Variants in SDK1 observed in about 807,000 individuals in gnomAD.
SDK1 encodes sidekick cell adhesion molecule 1.
Under a neutral mutation model 245.5 loss-of-function variants are expected in SDK1, and 157 were observed. The observed-to-expected ratio is 0.64, with a 90% CI of 0.56 to 0.73. The LOEUF (loss-of-function observed/expected upper bound fraction) is 0.73. Among genes scored for constraint, SDK1 ranks in the 30% least tolerant of loss-of-function variants. The pLI is 0.00. For synonymous variants in SDK1, 1,647 were observed against 1,278.5 expected (o/e 1.29, Z -6.15); for missense variants, 3,583 against 3,002.3 (o/e 1.19, Z -4.52).
intron 1 of SDK1, among the ~76,000 whole-genome samples, chr7:3,343,876 A>G (rs1263670776): frequency 6.6e-6 from 1 of 152,184 alleles, no homozygotes; most frequent in Non-Finnish European, 1.5e-5. Context: ...ACAGAATGGC[A>G]GTGTTGATAT....
intron 17 of SDK1, among the ~76,000 whole-genome samples, chr7:4,032,418 G>A (rs1787886390): frequency 6.6e-6 from 1 of 152,180 alleles, no homozygotes; most frequent in Admixed American, 6.5e-5. Context: ...AACCCTACAG[G>A]CATTCCTGCT....
chr7:3,529,333 G>T (rs558523369), intron 1 of SDK1, among the ~76,000 whole-genome samples: 1 of 152,134 alleles, frequency 6.6e-6, no homozygotes, highest in Non-Finnish European at 1.5e-5. Context: ...GGGAACCAAG[G>T]CTCCTTGAAG....
At chr7:3,752,873 A>C (rs1779814063) in intron 4 of SDK1, among the ~76,000 whole-genome samples, 1 of 152,218 alleles carries the variant, frequency 6.6e-6, no homozygotes, top group African/African-American at 2.4e-5. Context: ...ACAGTCTTGG[A>C]AATACCCACA....
At chr7:4,115,091 C>T (rs903455977) in intron 25 of SDK1, among the ~76,000 whole-genome samples, 8 of 152,178 alleles carry the variant, frequency 5.3e-5, no homozygotes, top group Admixed American at 3.3e-4. Flanking sequence ...TTCTTGCCCC[C>T]CTCCTTAAAT....
At chr7:3,603,133 T>C (rs1781304051) in intron 1 of SDK1, among the ~76,000 whole-genome samples, 1 of 148,568 alleles carries the variant, frequency 6.7e-6, no homozygotes. Context: ...CCAGCTTTGT[T>C]CTTTTGGCTT....
intron 1 of SDK1, among the ~76,000 whole-genome samples, chr7:3,332,795 C>A (rs1179430686): frequency 6.6e-6 from 1 of 152,118 alleles, no homozygotes; most frequent in Non-Finnish European, 1.5e-5. Context: ...GGAATAGATA[C>A]AGAAAATATT....
rs535508876 is a variant in SDK1 at position 4,220,169 on chromosome 7, G to A, written c.5600G>A (p.Arg1867Gln). The A allele has an allele frequency of 4.4e-4, 705 of 1,614,050 alleles. 7 individuals carry two copies. In the South Asian group the frequency reaches 7.1e-3, roughly 16 times the overall value. Reference protein sequence around the residue: ...RGNWQRWLKVRDLTKGVTYFF... With the variant: ...RGNWQRWLKVQDLTKGVTYFF... ...AACTGGCAGCGCTGGCTGAAGGTGC[G>A]GGACCTCACCAAGGGAGTGACCTAT... Residue 1867 changes from arginine (R) to glutamine (Q), a missense_variant, in exon 39 of 45, where the codon CGG (arginine) becomes CAG (glutamine). By Grantham distance (43) the Arg-to-Gln change is conservative. Transcript: ENST00000404826.
chr7:3,914,942 T>C (rs1300862917), intron 5 of SDK1, among the ~76,000 whole-genome samples: 1 of 152,082 alleles, frequency 6.6e-6, no homozygotes, highest in Admixed American at 6.5e-5. Flanking sequence ...CTGAACTCAT[T>C]TTAGGTGGTT....
chr7:3,744,064 C>G (rs951012228), intron 4 of SDK1, among the ~76,000 whole-genome samples: 9 of 152,176 alleles, frequency 5.9e-5, no homozygotes, highest in Non-Finnish European at 1.0e-4. Context: ...CCATCTCTCA[C>G]TTTATTTCAA....
intron 7 of SDK1, among the ~76,000 whole-genome samples, chr7:3,955,764 T>G (rs756333984): frequency 2.6e-5 from 4 of 152,090 alleles, no homozygotes; most frequent in African/African-American, 7.2e-5. Context: ...ATGCATGGTG[T>G]TGTTGGGGGG....
At chr7:3,629,764 C>G (rs1364059970) in intron 2 of SDK1, among the ~76,000 whole-genome samples, 2 of 152,122 alleles carry the variant, frequency 1.3e-5, no homozygotes, top group Admixed American at 6.6e-5. Flanking sequence ...TTCACAGTGT[C>G]TAGAATCTAA....
chr7:4,209,759 A>T (rs374416422), intron 37 of SDK1, among the ~76,000 whole-genome samples: 5 of 152,054 alleles, frequency 3.3e-5, no homozygotes, highest in African/African-American at 1.2e-4. Flanking sequence ...ATTCATTTTT[A>T]TGCCTTTGCC....
At chr7:4,194,374 ATGTATG>A (rs1240865692) in intron 35 of SDK1, among the ~76,000 whole-genome samples, 1 of 101,664 alleles carries the variant, frequency 9.8e-6, no homozygotes, top group African/African-American at 4.9e-5. Context: ...ATGTGTATAC[ATGTATG>A]TGTATACATG....
rs1312366788 is a variant in SDK1, at chr7:3,995,296, TACTC to T, written c.2131+7976_2131+7979del. On this transcript the variant is annotated intron_variant, in intron 14 of 44. Transcript: ENST00000404826. The stretch of plus-strand genomic sequence containing the variant: ...CCTCTGCCTTTGCCTGATCAGCTCT[TACTC>T]AGCATCTCCTTTTAGGCATTGCCTC... 2.0e-5 allele frequency among the ~76,000 whole-genome samples: 3 copies of T among 152,138 alleles called. 1 individual carries two copies. The highest frequency in any genetic ancestry group is 2.9e-5 in the Non-Finnish European group (2 of 68,018).
intron 5 of SDK1, among the ~76,000 whole-genome samples, chr7:3,938,460 G>A (rs958934953): frequency 3.3e-5 from 5 of 152,018 alleles, no homozygotes; most frequent in African/African-American, 9.7e-5. Flanking sequence ...GGCGAACACG[G>A]TGAAACCCTG....
chr7:4,202,307 C>G (rs1298278734), intron 35 of SDK1, among the ~76,000 whole-genome samples: 1 of 152,234 alleles, frequency 6.6e-6, no homozygotes, highest in Non-Finnish European at 1.5e-5. Flanking sequence ...CAAACAACCT[C>G]CAAGGGCTGG....
At chr7:3,570,332 G>A (rs1419017805) in intron 1 of SDK1, among the ~76,000 whole-genome samples, 1 of 152,122 alleles carries the variant, frequency 6.6e-6, no homozygotes, top group African/African-American at 2.4e-5. Flanking sequence ...GTTCACAGTA[G>A]GGTTTATGCC....
At chr7:3,857,459 G>T (rs1056285807) in intron 5 of SDK1, among the ~76,000 whole-genome samples, 4 of 152,136 alleles carry the variant, frequency 2.6e-5, no homozygotes, top group African/African-American at 9.7e-5. Flanking sequence ...ATGGCAGGGG[G>T]ATTGTTTGTG....
Position 3,987,219 on chromosome 7 carries a change from C to G in SDK1, c.2028C>G (p.Val676=). Residue 676 remains valine, a synonymous_variant, in exon 14 of 45, where the codon GTC becomes GTG. Transcript: ENST00000404826. ...CTCATTCACCTCAGAACCTCCTGGTCAGCCCTAATTCTTCCCACAGCCACG... is the reference window on the plus strand; with the variant it reads ...CTCATTCACCTCAGAACCTCCTGGTGAGCCCTAATTCTTCCCACAGCCACG... ...ELPHSPQNLL[V]SPNSSHSHAV... is the part of the protein sequence containing the mutation. 1 of 1,614,134 alleles carries G rather than the reference C, an allele frequency of 6.2e-7. No homozygotes were observed. The highest frequency in any genetic ancestry group is 8.5e-7 in the Non-Finnish European group (1 of 1,179,996).
Sources: allele counts gnomAD v4.1 joint callset (sites outside exome capture counted in the v4.1 genomes callset), GRCh38; gene constraint gnomAD v4.1.1; transcripts MANE v1.5; gene names NCBI Gene and HGNC (gene_info 2026-07-23, HGNC 2026-07-21).